The following RUFY2 variants were observed in gnomAD, a reference collection of about 807,000 sequenced individuals.
RUFY2 encodes the protein RUN and FYVE domain-containing protein 2.
RUFY2 carries 49 observed loss-of-function variants against 94.4 expected under a neutral mutation model. The observed-to-expected ratio is 0.52, with a 90% CI of 0.41 to 0.66. RUFY2 has a LOEUF of 0.66. Among genes scored for constraint, RUFY2 ranks in the 30% least tolerant of loss-of-function variants. The pLI, the probability that RUFY2 is intolerant of heterozygous loss-of-function variation, is 0.00. For missense variants in RUFY2, 541 were observed against 692.8 expected, an observed-to-expected ratio of 0.78 and a Z score of 2.46; for synonymous variants, 255 against 235.7, an observed-to-expected ratio of 1.08 and a Z score of -0.75.
At chr10:68,351,224 C>T (rs1000881161) in intron 16 of RUFY2, among the ~76,000 whole-genome samples, 17 of 143,432 alleles carry the variant, frequency 1.2e-4, no homozygotes, top group African/African-American at 2.8e-4. Flanking sequence ...CTCCACCTTC[C>T]GGGCTCAAGC....
intron 4 of RUFY2, among the ~76,000 whole-genome samples, chr10:68,396,201 G>A (rs1450876335): frequency 4.6e-5 from 7 of 152,008 alleles, no homozygotes; most frequent in Non-Finnish European, 8.8e-5. Flanking sequence ...GTTTCACCAC[G>A]TTGGTCTCGA....
chr10:68,383,745 G>C, intron 10 of RUFY2, 53 bp downstream of exon 10: 1 of 1,227,046 alleles, frequency 8.1e-7, no homozygotes, highest in East Asian at 2.3e-5. Flanking sequence ...GCTTGCTTGA[G>C]GGTAAATTAC....
intron 16 of RUFY2, among the ~76,000 whole-genome samples, chr10:68,352,359 G>C (rs1286946632): frequency 1.3e-5 from 2 of 152,164 alleles, no homozygotes; most frequent in Non-Finnish European, 2.9e-5. Flanking sequence ...TACAAAGAGA[G>C]AAGTTAGGGA....
At chr10:68,368,889 A>T (rs2132562800) in intron 13 of RUFY2, among the ~76,000 whole-genome samples, 1 of 152,336 alleles carries the variant, frequency 6.6e-6, no homozygotes, top group South Asian at 2.1e-4. Context: ...GCCAGGAAAT[A>T]GCCTAGCAAG....
intron 15 of RUFY2, among the ~76,000 whole-genome samples, chr10:68,357,233 G>GA (rs2047120594): frequency 7.2e-6 from 1 of 139,778 alleles, no homozygotes; most frequent in Admixed American, 7.2e-5. Context: ...GTATAACTTT[G>GA]TTTTTTTTTT....
At position 68,363,701 on chromosome 10, in the gene RUFY2, G is replaced by T. The variant is rs773072561; in HGVS notation, c.1456-17C>A. 4.8e-6 allele frequency: 7 copies of T among 1,453,216 alleles called. No homozygotes were observed. The highest frequency in any genetic ancestry group is 1.4e-5 in the African/African-American group (1 of 69,776). 90.0% of individuals were successfully genotyped at this position (1,453,216 alleles called of 1,614,324 possible). ...AAGGAACTCCTTCAGAACAATAAAAGACAGAAAATGAAATTTAAAAGAAAG... is the reference window on the plus strand; with the variant it reads ...AAGGAACTCCTTCAGAACAATAAAATACAGAAAATGAAATTTAAAAGAAAG... On this transcript the variant is annotated splice_polypyrimidine_tract_variant and intron_variant, in intron 14 of 17. Coordinates refer to ENST00000602465, the MANE Select transcript of RUFY2 (RefSeq NM_001330103.2).
intron 16 of RUFY2, among the ~76,000 whole-genome samples, chr10:68,352,069 GA>G (rs1239466640): frequency 4.7e-5 from 7 of 147,958 alleles, no homozygotes; most frequent in East Asian, 4.0e-4. Context: ...AAAAAAAAAA[GA>G]AAAAAAGTGT....
intron 7 of RUFY2, among the ~76,000 whole-genome samples, chr10:68,388,853 A>AAC (rs1422438378): frequency 1.6e-5 from 2 of 124,420 alleles, no homozygotes; most frequent in Non-Finnish European, 3.6e-5. Context: ...AAAAAAAAAA[A>AAC]AGAAAAGAAA....
chr10:68,379,259 T>C (rs2048864860), intron 12 of RUFY2, 165 bp downstream of exon 12: 1 of 545,152 alleles, frequency 1.8e-6, no homozygotes. Context: ...AGCAACTTGA[T>C]TCCATGCAAC....
intron 16 of RUFY2, among the ~76,000 whole-genome samples, chr10:68,353,483 C>G (rs1034624531): frequency 6.6e-5 from 10 of 151,506 alleles, no homozygotes; most frequent in Non-Finnish European, 1.0e-4. Context: ...GGTGAAGAAG[C>G]AAGACTCCGT....
At chr10:68,373,491 G>C (rs190031375) in intron 13 of RUFY2, among the ~76,000 whole-genome samples, 2 of 152,320 alleles carry the variant, frequency 1.3e-5, no homozygotes, top group African/African-American at 4.8e-5. Flanking sequence ...AGCAGGCCAA[G>C]CATGATGGCT....
chr10:68,372,326 T>G (rs1282606629), intron 13 of RUFY2, among the ~76,000 whole-genome samples: 5 of 151,850 alleles, frequency 3.3e-5, no homozygotes, highest in Non-Finnish European at 7.4e-5. Context: ...CTTGAGCCCA[T>G]GAGTTCAAAG....
At position 68,365,548 on chromosome 10, in the gene RUFY2, C is replaced by T. The variant is rs141301768; in HGVS notation, c.1326-1435G>A. 2.7e-3 allele frequency among the ~76,000 whole-genome samples: 408 copies of T among 152,326 alleles called. 3 individuals are homozygous for T. The highest frequency in any genetic ancestry group is 5.6e-3 in the South Asian group (27 of 4,826). On this transcript the variant is annotated intron_variant, in intron 13 of 17. Transcript: ENST00000602465. The stretch of plus-strand genomic sequence containing the variant: ...CTGAGCCACCAGGACAGGCTCCGGC[C>T]ACCAGAGAGCCTGAACTGTAAAATT...
chr10:68,372,694 G>A (rs185515655), intron 13 of RUFY2, among the ~76,000 whole-genome samples: 44 of 151,462 alleles, frequency 2.9e-4, no homozygotes, highest in African/African-American at 9.0e-4. Flanking sequence ...GTTCGAGATC[G>A]TTCTGGGCAA....
intron 7 of RUFY2, among the ~76,000 whole-genome samples, chr10:68,388,837 C>CAAAA (rs71009052): frequency 2.0e-5 from 2 of 102,496 alleles, no homozygotes; most frequent in Non-Finnish European, 1.9e-5. Context: ...AACCCTGTCT[C>CAAAA]AAAAAAAAAA....
At chr10:68,364,238 T>A in intron 13 of RUFY2, 125 bp from the exon 14 acceptor site, 1 of 875,790 alleles carries the variant, frequency 1.1e-6, no homozygotes, top group Non-Finnish European at 1.6e-6. Flanking sequence ...TTTCAGACAT[T>A]TTCTTTCACA....
At chr10:68,373,319 G>A (rs2048402392) in intron 13 of RUFY2, among the ~76,000 whole-genome samples, 1 of 152,164 alleles carries the variant, frequency 6.6e-6, no homozygotes, top group African/African-American at 2.4e-5. Context: ...TAACTTATGG[G>A]AAGGCAGAAA....
intron 16 of RUFY2, among the ~76,000 whole-genome samples, chr10:68,351,445 CTTT>C (rs71009049): frequency 1.6e-5 from 1 of 63,366 alleles, no homozygotes; most frequent in Non-Finnish European, 2.9e-5. Flanking sequence ...CTCCACCCAT[CTTT>C]TTTTTTTTTT....
At chr10:68,390,934 A>ATTT (rs576388613) in intron 7 of RUFY2, among the ~76,000 whole-genome samples, 1 of 124,168 alleles carries the variant, frequency 8.1e-6, no homozygotes, top group Non-Finnish European at 1.7e-5. Context: ...ACCTGGCCTA[A>ATTT]TTTTTTTTTT....
Sources: gnomAD v4.1 joint callset for allele counts (sites outside exome capture counted in the v4.1 genomes callset) on GRCh38, gnomAD v4.1.1 for gene constraint, MANE v1.5 for transcripts, NCBI Gene and HGNC (gene_info 2026-07-23, HGNC 2026-07-21) for gene names.